GALNT18: variants seen among roughly 807,000 people sequenced by gnomAD.
GALNT18 encodes polypeptide N-acetylgalactosaminyltransferase 18, also known as GalNAc-transferase 18.
In GALNT18, 44 loss-of-function variants were observed where a neutral mutation model predicts 69.5. The observed-to-expected ratio is 0.63, with a 90% CI of 0.50 to 0.81. GALNT18 has a LOEUF of 0.81. Ranked by LOEUF, GALNT18 falls within the 40% of genes least tolerant of loss-of-function variation. The probability of loss-of-function intolerance (pLI) is 0.00; values close to 1 mark genes in which losing one functional copy is unlikely to be tolerated. For missense variants in GALNT18, 715 were observed against 810.0 expected, an observed-to-expected ratio of 0.88 and a Z score of 1.42; for synonymous variants, 364 against 318.2, an observed-to-expected ratio of 1.14 and a Z score of -1.53.
chr11:11,608,888 C>A (rs756324719), intron 1 of GALNT18, among the ~76,000 whole-genome samples: 25 of 152,206 alleles, frequency 1.6e-4, no homozygotes, highest in Non-Finnish European at 3.1e-4. Context: ...TCCCTTAAAT[C>A]CTCCTCATTC....
Position 11,511,282 on chromosome 11 carries a change from C to A in GALNT18, c.236-62346G>T, listed in dbSNP as rs942275724. On this transcript the variant is annotated intron_variant, in intron 1 of 10. Transcript: ENST00000227756. The surrounding 1 kb of genome is among the most constrained non-coding windows in gnomAD (Gnocchi z 4.9). ...TGAAGGGACCGGCTGTCCAGCTTCA[C>A]GCAGGGAGGGCTCCTTGAAGCTAAT... is the stretch of plus-strand genomic sequence containing the variant. 6.6e-6 allele frequency among the ~76,000 whole-genome samples: 1 copy of A among 152,184 alleles called. No homozygotes were observed. The highest frequency in any genetic ancestry group is 1.5e-5 in the Non-Finnish European group (1 of 68,034).
Position 11,541,866 on chromosome 11 carries a change from G to T in GALNT18, c.235+79493C>A, listed in dbSNP as rs1201332084. Among the ~76,000 whole-genome samples the T allele has an allele frequency of 6.6e-6, 1 of 152,168 alleles. No homozygotes were observed. Among genetic ancestry groups the T allele is most frequent in the African/African-American group, 2.4e-5 (1 of 41,450 alleles). ...AGAGTGAGCAGGTTGCTTTCCCTCA[G>T]CCTGGCCACCCTTCCAGAGAGCTGT... On this transcript the variant is annotated intron_variant, in intron 1 of 10. Transcript: ENST00000227756. This position sits in a 1 kb window ranked among gnomAD's most constrained non-coding sequence, Gnocchi z 4.8.
chr11:11,344,862 GTAA>G (rs1564903000), intron 6 of GALNT18, among the ~76,000 whole-genome samples: 24 of 152,140 alleles, frequency 1.6e-4, no homozygotes, highest in African/African-American at 5.8e-4. Flanking sequence ...GTCGGGCTAT[GTAA>G]CCTCTTGGCT....
chr11:11,401,670 T>C (rs369832506), intron 3 of GALNT18, among the ~76,000 whole-genome samples: 1 of 152,352 alleles, frequency 6.6e-6, no homozygotes, highest in East Asian at 1.9e-4. Flanking sequence ...TCATTCAAAG[T>C]CATAAATGAG....
rs890418745 is a variant in GALNT18 at position 11,620,833 on chromosome 11, G to T, written c.235+526C>A. Among the ~76,000 whole-genome samples, 1 of 152,194 alleles carries T rather than the reference G, an allele frequency of 6.6e-6. No homozygotes were observed. The highest frequency in any genetic ancestry group is 2.4e-5 in the African/African-American group (1 of 41,452). On this transcript the variant is annotated intron_variant, in intron 1 of 10. Transcript: ENST00000227756. The surrounding 1 kb of genome is among the most constrained non-coding windows in gnomAD (Gnocchi z 6.9). ...ACCAACGGGATCACAGCAAGACTGGGGCTGGGGCTGATACAACGCAATTTT... is the reference window on the plus strand; with the variant it reads ...ACCAACGGGATCACAGCAAGACTGGTGCTGGGGCTGATACAACGCAATTTT...
intron 10 of GALNT18, among the ~76,000 whole-genome samples, chr11:11,279,905 AATTGAAAT>A (rs1228326715): frequency 3.3e-5 from 5 of 151,764 alleles, no homozygotes; most frequent in East Asian, 1.9e-4. Flanking sequence ...TCAATTGAAA[AATTGAAAT>A]AAAAAATCCA....
intron 1 of GALNT18, among the ~76,000 whole-genome samples, chr11:11,525,142 C>T (rs34032174): frequency 0.23 from 34,540 of 151,876 alleles, 5,018 homozygotes; most frequent in South Asian, 0.37. Context: ...CTGGTGTTGC[C>T]GGAATATAGA....
chr11:11,325,824 C>A (rs1849907258), intron 9 of GALNT18, among the ~76,000 whole-genome samples: 2 of 152,060 alleles, frequency 1.3e-5, no homozygotes, highest in African/African-American at 4.8e-5. Context: ...TGCTGGCCTG[C>A]AATTAACCAG....
chr11:11,466,726 C>G (rs7117543), intron 1 of GALNT18, among the ~76,000 whole-genome samples: 131,098 of 152,246 alleles, frequency 0.86, 57,542 homozygotes, highest in Non-Finnish European at 0.96. Context: ...TCAGGGGAAA[C>G]GATGAGGCCA....
intron 10 of GALNT18, among the ~76,000 whole-genome samples, chr11:11,289,439 T>G (rs1176911743): frequency 6.6e-6 from 1 of 152,182 alleles, no homozygotes; most frequent in Non-Finnish European, 1.5e-5. Flanking sequence ...GTGCCACAGA[T>G]GCCTGCTTTG....
intron 10 of GALNT18, among the ~76,000 whole-genome samples, chr11:11,285,373 T>G (rs1255739721): frequency 6.6e-6 from 1 of 152,198 alleles, no homozygotes; most frequent in Admixed American, 6.5e-5. Context: ...AGGGATTAAG[T>G]AACATTTATA....
chr11:11,487,568 T>C (rs1387459398), intron 1 of GALNT18, among the ~76,000 whole-genome samples: 1 of 152,224 alleles, frequency 6.6e-6, no homozygotes, highest in East Asian at 1.9e-4. Flanking sequence ...TTTCAGCTGT[T>C]TTATAAATCA....
chr11:11,342,078 G>A (rs1850219068), intron 6 of GALNT18, among the ~76,000 whole-genome samples: 1 of 152,002 alleles, frequency 6.6e-6, no homozygotes, highest in Non-Finnish European at 1.5e-5. Flanking sequence ...CACAGCCCTT[G>A]ATATCACAAC....
intron 3 of GALNT18, among the ~76,000 whole-genome samples, chr11:11,422,621 G>GC (rs1416675552): frequency 7.0e-6 from 1 of 142,118 alleles, no homozygotes; most frequent in African/African-American, 2.6e-5. Flanking sequence ...TTTTTTTGTT[G>GC]TTTTTTTTTT....
Position 11,592,370 on chromosome 11 carries a change from A to G in GALNT18, c.235+28989T>C, listed in dbSNP as rs540637044. Among the ~76,000 whole-genome samples the G allele has an allele frequency of 6.6e-6, 1 of 152,348 alleles. No homozygotes were observed. The highest frequency in any genetic ancestry group is 2.4e-5 in the African/African-American group (1 of 41,596). ...AACATATTGACATGCTGTTCCTGCA[A>G]GGAAGTGGACTGAGTTTTCTAGATA... On this transcript the variant is annotated intron_variant, in intron 1 of 10. Coordinates refer to ENST00000227756, the MANE Select transcript of GALNT18 (RefSeq NM_198516.3). This position sits in a 1 kb window ranked among gnomAD's most constrained non-coding sequence, Gnocchi z 5.9.
chr11:11,412,874 T>C (rs192900729), intron 3 of GALNT18, among the ~76,000 whole-genome samples: 1 of 152,270 alleles, frequency 6.6e-6, no homozygotes, highest in Non-Finnish European at 1.5e-5. Context: ...CCCCAGCATG[T>C]GGAAGGCTGA....
chr11:11,488,304 A>G (rs1160298459), intron 1 of GALNT18, among the ~76,000 whole-genome samples: 1 of 152,072 alleles, frequency 6.6e-6, no homozygotes, highest in Admixed American at 6.5e-5. Flanking sequence ...AGCTTCTATA[A>G]GCTTCCCGCA....
chr11:11,392,240 T>C (rs923381385), intron 3 of GALNT18, among the ~76,000 whole-genome samples: 7 of 152,168 alleles, frequency 4.6e-5, no homozygotes, highest in Non-Finnish European at 7.3e-5. Context: ...TCATGGCACA[T>C]GGGACAGAAA....
chr11:11,375,203 C>T (rs1339465627), intron 5 of GALNT18, among the ~76,000 whole-genome samples: 1 of 152,240 alleles, frequency 6.6e-6, no homozygotes, highest in African/African-American at 2.4e-5. Context: ...GGGCAAGATA[C>T]ATTTGTATAA....
Sources: gnomAD v4.1 joint callset for allele counts (sites outside exome capture counted in the v4.1 genomes callset) on GRCh38, gnomAD v4.1.1 for gene constraint, Gnocchi (gnomAD v3.1) non-coding constraint, MANE v1.5 for transcripts, NCBI Gene and HGNC (gene_info 2026-07-23, HGNC 2026-07-21) for gene names.